Variants in PKP2 observed in about 807,000 individuals in gnomAD.
PKP2 encodes the protein plakophilin 2.
Under a neutral mutation model 83.4 loss-of-function variants are expected in PKP2, and 73 were observed. The observed-to-expected ratio is 0.88, with a 90% confidence interval of 0.72 to 1.06. PKP2 has a LOEUF of 1.06. PKP2 is among the 50% of genes least tolerant of loss of function. The pLI is 0.00. For synonymous variants in PKP2, 409 were observed against 430.4 expected, an observed-to-expected ratio of 0.95 and a Z score of 0.62; for missense variants, 966 against 1,065.4, an observed-to-expected ratio of 0.91 and a Z score of 1.30.
intron 3 of PKP2, among the ~76,000 whole-genome samples, chr12:32,872,992 C>T (rs773692650): frequency 6.6e-6 from 1 of 152,040 alleles, no homozygotes; most frequent in Non-Finnish European, 1.5e-5. Context: ...GATCTGTTTT[C>T]TGCTCTGCAG....
At chr12:32,847,421 C>A (rs1214263245) in intron 5 of PKP2, among the ~76,000 whole-genome samples, 1 of 152,180 alleles carries the variant, frequency 6.6e-6, no homozygotes, top group Non-Finnish European at 1.5e-5. Flanking sequence ...TCTAATGATG[C>A]CTGAATGGTT....
intron 3 of PKP2, among the ~76,000 whole-genome samples, chr12:32,875,128 AC>A (rs529552050): frequency 5.6e-4 from 85 of 152,308 alleles, no homozygotes; most frequent in African/African-American, 2.0e-3. Flanking sequence ...TTGAGCATTC[AC>A]AAAAATCTCA....
chr12:32,792,230 CT>C lies in PKP2; in HGVS notation c.*193del, dbSNP rs1179811042. On this transcript the variant is annotated 3_prime_UTR_variant, in exon 13 of 13. Transcript: ENST00000340811. Reference sequence around the variant, plus strand: ...TTGTCGAGCCTGTGGCCGGTATCTACTGGTGGCAAACTTGCAAAGGTCTTCT... The same window carrying C: ...TTGTCGAGCCTGTGGCCGGTATCTACGGTGGCAAACTTGCAAAGGTCTTCT... 1.6e-6 allele frequency: 1 copy of C among 633,748 alleles called. No individual in the cohort carries two copies. The highest frequency in any genetic ancestry group is 2.9e-6 in the Non-Finnish European group (1 of 350,094). The allele number at this position is 633,748 out of a possible 1,614,324, so 39.3% of individuals were successfully genotyped here.
chr12:32,865,681 C>CAAAAAAAAAAAAGAAAAAAAAAAAAAA (rs765071380), intron 4 of PKP2, among the ~76,000 whole-genome samples: 1 of 103,672 alleles, frequency 9.6e-6, no homozygotes, highest in African/African-American at 5.6e-5. Context: ...GACTCCGTCT[C>CAAAAAAAAAAAAGAAAAAAAAAAAAAA]AAAAAAAAAA....
chr12:32,891,714 T>C (rs1957076613), intron 1 of PKP2, among the ~76,000 whole-genome samples: 1 of 152,204 alleles, frequency 6.6e-6, no homozygotes, highest in Non-Finnish European at 1.5e-5. Flanking sequence ...GTCTTATCTG[T>C]CACATATAGA....
rs536070039 is a variant in PKP2 at position 32,812,534 on chromosome 12, G to A, written c.2013+8822C>T. On this transcript the variant is annotated intron_variant, in intron 9 of 12. Transcript: ENST00000340811. The stretch of plus-strand genomic sequence containing the variant: ...TTTTTCTTTTTTGAGACAGAGTCTC[G>A]CTCTGTCGCCCAGGCTGGAGTGCAG... Among the ~76,000 whole-genome samples the A allele has an allele frequency of 3.4e-4, 52 of 151,880 alleles. 1 individual carries two copies. In the South Asian group the frequency reaches 9.6e-3, roughly 28 times the overall value.
intron 6 of PKP2, among the ~76,000 whole-genome samples, chr12:32,839,205 C>T (rs16920304): frequency 0.13 from 19,235 of 151,790 alleles, 1,376 homozygotes; most frequent in South Asian, 0.21. Flanking sequence ...TTCTTCCACC[C>T]CTTTTCTTAT....
At chr12:32,862,464 T>C (rs1358122141) in intron 4 of PKP2, among the ~76,000 whole-genome samples, 1 of 151,722 alleles carries the variant, frequency 6.6e-6, no homozygotes, top group Non-Finnish European at 1.5e-5. Context: ...CTGACCAACA[T>C]GGAGAAACCC....
chr12:32,888,558 C>T (rs1052252910), intron 1 of PKP2, among the ~76,000 whole-genome samples: 5 of 150,556 alleles, frequency 3.3e-5, no homozygotes, highest in Admixed American at 6.6e-5. Flanking sequence ...GGCACGATCT[C>T]GGCTCACCGC....
intron 4 of PKP2, among the ~76,000 whole-genome samples, chr12:32,857,924 A>C (rs1592753510): frequency 6.6e-6 from 1 of 150,624 alleles, no homozygotes; most frequent in East Asian, 1.9e-4. Flanking sequence ...AATGATGCCC[A>C]GTTTTTAAAA....
intron 4 of PKP2, among the ~76,000 whole-genome samples, chr12:32,855,773 CAAAAAA>C (rs11431590): frequency 4.3e-5 from 2 of 46,864 alleles, no homozygotes; most frequent in African/African-American, 1.1e-4. Flanking sequence ...GACTCCATCT[CAAAAAA>C]AAAAAAAAAA....
chr12:32,883,143 GA>G (rs1325470489), intron 1 of PKP2, among the ~76,000 whole-genome samples: 1 of 152,064 alleles, frequency 6.6e-6, no homozygotes, highest in African/African-American at 2.4e-5. Context: ...TGGAAACAGG[GA>G]AAAAAATAAG....
intron 9 of PKP2, among the ~76,000 whole-genome samples, chr12:32,804,144 G>T (rs1956204616): frequency 1.3e-5 from 2 of 152,180 alleles, no homozygotes; most frequent in Admixed American, 6.5e-5. Context: ...TGATGGAAAG[G>T]TAACTGTCCA....
At chr12:32,866,019 A>G (rs1475638252) in intron 4 of PKP2, among the ~76,000 whole-genome samples, 1 of 152,168 alleles carries the variant, frequency 6.6e-6, no homozygotes, top group East Asian at 1.9e-4. Flanking sequence ...GAAACCATAA[A>G]GGGAAAAAAC....
intron 9 of PKP2, among the ~76,000 whole-genome samples, chr12:32,803,568 T>C (rs1290807840): frequency 6.6e-6 from 1 of 152,218 alleles, no homozygotes; most frequent in Middle Eastern, 3.2e-3. Context: ...CTATCTCCTT[T>C]AGCTATTTGT....
At chr12:32,867,512 CAAT>C (rs2137914616) in intron 4 of PKP2, among the ~76,000 whole-genome samples, 1 of 152,102 alleles carries the variant, frequency 6.6e-6, no homozygotes, top group South Asian at 2.1e-4. Flanking sequence ...GATTGTACCT[CAAT>C]AAGGTAGTTA....
chr12:32,838,898 G>A (rs1956565022), intron 6 of PKP2, among the ~76,000 whole-genome samples: 1 of 152,112 alleles, frequency 6.6e-6, no homozygotes, highest in Non-Finnish European at 1.5e-5. Flanking sequence ...TGGGGAAGCT[G>A]GAAAATGTTT....
intron 9 of PKP2, among the ~76,000 whole-genome samples, chr12:32,810,267 A>G (rs1248099522): frequency 6.6e-6 from 1 of 152,222 alleles, no homozygotes; most frequent in Non-Finnish European, 1.5e-5. Context: ...CTTGTTATCA[A>G]TGTTAGAAAC....
In PKP2 at chr12:32,854,615, A is replaced by T. The variant is rs548432386; in HGVS notation, c.1171-3642T>A. On this transcript the variant is annotated intron_variant, in intron 4 of 12. Coordinates refer to ENST00000340811, the MANE Select transcript of PKP2 (RefSeq NM_001005242.3). ...GGGAGGTTTGATGAGTTTCCCAATT[A>T]TACTGAATCCTCGGGGTATTTTTCC... is the stretch of plus-strand genomic sequence containing the variant. Among the ~76,000 whole-genome samples, 4 of 152,308 alleles carry T rather than the reference A, an allele frequency of 2.6e-5. No individual in the cohort carries two copies. The South Asian group carries it at 8.3e-4, about 32-fold the overall frequency.
Sources: gnomAD v4.1 joint callset for allele counts (sites outside exome capture counted in the v4.1 genomes callset) on GRCh38, gnomAD v4.1.1 for gene constraint, MANE v1.5 for transcripts, NCBI Gene and HGNC (gene_info 2026-07-23, HGNC 2026-07-21) for gene names.